The following SPON1 variants were observed in gnomAD, a reference collection of about 807,000 sequenced individuals.
SPON1 encodes spondin-1.
In SPON1, 52 loss-of-function variants were observed where a neutral mutation model predicts 111.7. The observed-to-expected ratio is 0.47, with a 90% CI of 0.37 to 0.59. The LOEUF (loss-of-function observed/expected upper bound fraction) is 0.59. SPON1 is among the 20% of genes least tolerant of loss of function. The pLI is 0.00. For missense variants in SPON1, 957 were observed against 1,068.5 expected (o/e 0.90, Z 1.46); for synonymous variants, 410 against 395.8 (o/e 1.04, Z -0.43).
At chr11:14,158,208 T>C (rs1037295844) in intron 6 of SPON1, among the ~76,000 whole-genome samples, 1 of 152,168 alleles carries the variant, frequency 6.6e-6, no homozygotes, top group African/African-American at 2.4e-5. Flanking sequence ...AGGGCTCTTT[T>C]ACTTATGGTT....
intron 6 of SPON1, among the ~76,000 whole-genome samples, chr11:14,161,011 T>TTATATATC (rs1295299692): frequency 0.039 from 1,265 of 32,270 alleles, 38 homozygotes; most frequent in South Asian, 0.072. Context: ...ATTTATATAT[T>TTATATATC]TATATATCTA....
chr11:14,045,901 T>C (rs1313099514), intron 3 of SPON1, among the ~76,000 whole-genome samples: 1 of 152,124 alleles, frequency 6.6e-6, no homozygotes, highest in Non-Finnish European at 1.5e-5. Flanking sequence ...TGAATTTTGA[T>C]TTTATGTCTT....
At chr11:14,084,214 G>A (rs1314726331) in intron 5 of SPON1, among the ~76,000 whole-genome samples, 2 of 151,958 alleles carry the variant, frequency 1.3e-5, no homozygotes, top group South Asian at 4.2e-4. Context: ...GTGCCATGGT[G>A]GTTTTGCCGC....
intron 5 of SPON1, among the ~76,000 whole-genome samples, chr11:14,090,602 G>A (rs1554923175): frequency 6.6e-6 from 1 of 151,984 alleles, no homozygotes; most frequent in Admixed American, 6.5e-5. Flanking sequence ...GGCGGGTCTG[G>A]AGTTGTTCGT....
chr11:14,072,150 C>T (rs868918633), intron 3 of SPON1, among the ~76,000 whole-genome samples: 1 of 152,024 alleles, frequency 6.6e-6, no homozygotes, highest in Non-Finnish European at 1.5e-5. Context: ...ATTTGAGGAC[C>T]TGTCATATAT....
chr11:14,222,496 G>A (rs1245532921), intron 6 of SPON1, among the ~76,000 whole-genome samples: 1 of 152,148 alleles, frequency 6.6e-6, no homozygotes, highest in African/African-American at 2.4e-5. Flanking sequence ...GCGCTGAGGT[G>A]GGATCTGAAC....
intron 6 of SPON1, among the ~76,000 whole-genome samples, chr11:14,182,853 G>A (rs1263337693): frequency 6.6e-6 from 1 of 152,110 alleles, no homozygotes; most frequent in African/African-American, 2.4e-5. Context: ...GATGCCAAGT[G>A]GACAATGAGA....
intron 1 of SPON1, among the ~76,000 whole-genome samples, chr11:13,964,784 T>A (rs1443002435): frequency 2.0e-5 from 3 of 152,124 alleles, no homozygotes; most frequent in Non-Finnish European, 4.4e-5. Flanking sequence ...CGATCCTCCC[T>A]GTGGACCGCA....
intron 6 of SPON1, among the ~76,000 whole-genome samples, chr11:14,147,901 T>C (rs782060313): frequency 1.3e-5 from 2 of 152,142 alleles, no homozygotes; most frequent in Non-Finnish European, 2.9e-5. Context: ...TGAGATGGCT[T>C]TTAGATATTA....
Position 14,122,375 on chromosome 11 carries a change from G to A in SPON1, c.677-13045G>A, listed in dbSNP as rs185384107. ...TTTTTAGTAGAGACAGGGTTTCACC[G>A]TGTTAGCCAGGATGGTCTTGATCTC... On this transcript the variant is annotated intron_variant, in intron 5 of 15. Coordinates refer to ENST00000576479, the MANE Select transcript of SPON1 (RefSeq NM_006108.4). 2.8e-3 allele frequency among the ~76,000 whole-genome samples: 428 copies of A among 152,156 alleles called. 2 individuals are homozygous for A. Among genetic ancestry groups the A allele is most frequent in the African/African-American group, 9.0e-3 (374 of 41,536 alleles).
In SPON1 at chr11:14,160,584, TAC is replaced by T. The variant is rs1303125839; in HGVS notation, c.825+25018_825+25019del. On this transcript the variant is annotated intron_variant, in intron 6 of 15. Coordinates refer to ENST00000576479, the MANE Select transcript of SPON1 (RefSeq NM_006108.4). ...TTATATATATATTTATATATATATT[TAC>T]ATATATATATTTATATATATTTATA... Among the ~76,000 whole-genome samples, 203 of 21,740 alleles carry T rather than the reference TAC, an allele frequency of 9.3e-3. 33 individuals are homozygous for T. The highest frequency in any genetic ancestry group is 0.013 in the Non-Finnish European group (166 of 12,864). The allele number at this position is 21,740 out of a possible 152,430, so 14.3% of individuals were successfully genotyped here.
In SPON1 at chr11:13,963,106, G is replaced by T; in HGVS notation, c.202G>T (p.Asp68Tyr). 6.5e-7 allele frequency: 1 copy of T among 1,538,840 alleles called. No homozygotes were observed. The highest frequency in any genetic ancestry group is 8.7e-7 in the Non-Finnish European group (1 of 1,144,122). Residue 68 changes from aspartate (D) to tyrosine (Y), a missense_variant, in exon 1 of 16, where the codon GAC becomes TAC. By Grantham distance (160) the Asp-to-Tyr change is radical. Transcript: ENST00000576479. ...CGAGTTCAGCCTCCGCGTGGAGGGC[G>T]ACCCCGACTTCTACAAGCCGGGAAC... is the stretch of plus-strand genomic sequence containing the variant. Reference protein sequence around the residue: ...YTEFSLRVEGDPDFYKPGTSY... With the variant: ...YTEFSLRVEGYPDFYKPGTSY...
rs140124303 is a variant in SPON1, at chr11:13,964,509, C to T, written c.238+1367C>T. Among the ~76,000 whole-genome samples, 47 of 152,322 alleles carry T rather than the reference C, an allele frequency of 3.1e-4. No individual in the cohort carries two copies. In the East Asian group the frequency reaches 7.7e-3, roughly 25 times the overall value. On this transcript the variant is annotated intron_variant, in intron 1 of 15. Coordinates refer to ENST00000576479, the MANE Select transcript of SPON1 (RefSeq NM_006108.4). ...TCTTGGAGCGCTTTTCCCCCTTTCC[C>T]GGGTTTGTGTCCCCGACTTTCTCCA...
intron 2 of SPON1, among the ~76,000 whole-genome samples, chr11:14,024,741 C>T (rs967899457): frequency 2.0e-5 from 3 of 152,222 alleles, no homozygotes; most frequent in African/African-American, 7.2e-5. Context: ...TCCATGGGCA[C>T]AGGCCCAAGG....
chr11:14,014,175 C>T lies in SPON1; in HGVS notation c.346-27346C>T, dbSNP rs550612511. 2.1e-3 allele frequency among the ~76,000 whole-genome samples: 315 copies of T among 152,188 alleles called. 2 individuals are homozygous for T. The highest frequency in any genetic ancestry group is 3.5e-3 in the Non-Finnish European group (239 of 68,018). On this transcript the variant is annotated intron_variant, in intron 2 of 15. Transcript: ENST00000576479. ...CTCCTAGATCTTCATCTTGCAGCTA[C>T]GTGGACAAGGTGGGTGCAGCCTGGT...
At chr11:14,057,184 A>G (rs1554919253) in intron 3 of SPON1, among the ~76,000 whole-genome samples, 1 of 152,244 alleles carries the variant, frequency 6.6e-6, no homozygotes, top group South Asian at 2.1e-4. Context: ...CAAGAACTTT[A>G]GAATGGAGAA....
At chr11:14,094,380 A>G (rs1340965275) in intron 5 of SPON1, among the ~76,000 whole-genome samples, 1 of 152,070 alleles carries the variant, frequency 6.6e-6, no homozygotes, top group African/African-American at 2.4e-5. Context: ...TTCTTCTCCA[A>G]CACATTTGTA....
At chr11:14,264,858 G>A (rs80215552) in intron 15 of SPON1, among the ~76,000 whole-genome samples, 1 of 152,192 alleles carries the variant, frequency 6.6e-6, no homozygotes, top group Non-Finnish European at 1.5e-5. Flanking sequence ...TGAGTAGGAA[G>A]AACAAAAATT....
chr11:14,056,683 A>G (rs533047230), intron 3 of SPON1, among the ~76,000 whole-genome samples: 14 of 152,190 alleles, frequency 9.2e-5, no homozygotes, highest in African/African-American at 3.4e-4. Context: ...AGGTCAGGAG[A>G]TTGAGACCAT....
Sources: allele counts gnomAD v4.1 joint callset (sites outside exome capture counted in the v4.1 genomes callset), GRCh38; gene constraint gnomAD v4.1.1; transcripts MANE v1.5; gene names NCBI Gene and HGNC (gene_info 2026-07-23, HGNC 2026-07-21).